Variants in ZDHHC2 observed in about 807,000 individuals in gnomAD.
The protein encoded by ZDHHC2 is palmitoyltransferase ZDHHC2.
Under a neutral mutation model 55.6 loss-of-function variants are expected in ZDHHC2, and 51 were observed. The observed-to-expected ratio is 0.92, with a 90% CI of 0.73 to 1.16. The LOEUF is 1.16. ZDHHC2 is among the 50% of genes most tolerant of loss of function. The pLI, the probability that ZDHHC2 is intolerant of heterozygous loss-of-function variation, is 0.00. For missense variants in ZDHHC2, 491 were observed against 442.4 expected (o/e 1.11, Z -0.99); for synonymous variants, 199 against 152.9 (o/e 1.30, Z -2.22).
chr8:17,171,356 A>T (rs1380189139), intron 1 of ZDHHC2, among the ~76,000 whole-genome samples: 1 of 152,196 alleles, frequency 6.6e-6, no homozygotes, highest in Non-Finnish European at 1.5e-5. Flanking sequence ...CTTTGAAATG[A>T]GGACACTAAG....
chr8:17,198,441 T>C (rs770128536), intron 6 of ZDHHC2, 28 bp downstream of exon 6: 3 of 1,576,180 alleles, frequency 1.9e-6, no homozygotes, highest in Non-Finnish European at 2.6e-6. Context: ...TTAAACAAGT[T>C]TGTGTCCCTT....
chr8:17,156,882 C>A, intron 1 of ZDHHC2, 29 bp downstream of exon 1: 1 of 1,476,530 alleles, frequency 6.8e-7, no homozygotes, highest in Non-Finnish European at 9.0e-7. Flanking sequence ...GCGGCGCCCC[C>A]AGCGCAGCGC....
intron 3 of ZDHHC2, among the ~76,000 whole-genome samples, chr8:17,194,525 C>T (rs2150920914): frequency 6.6e-6 from 1 of 151,794 alleles, no homozygotes; most frequent in Non-Finnish European, 1.5e-5. Flanking sequence ...AACTATCCTG[C>T]GTTTCTGTTA....
In ZDHHC2 at chr8:17,156,613, C is replaced by T. The variant is rs576569216; in HGVS notation, c.-111C>T. The T allele has an allele frequency of 9.2e-3, 8,240 of 896,930 alleles. 32 individuals are homozygous for T. Among genetic ancestry groups the T allele is most frequent in the Non-Finnish European group, 0.01 (7,492 of 737,164 alleles). The allele number at this position is 896,930 out of a possible 1,614,324, so 55.6% of individuals were successfully genotyped here. On this transcript the variant is annotated 5_prime_UTR_variant, in exon 1 of 13. Coordinates refer to ENST00000262096, the MANE Select transcript of ZDHHC2 (RefSeq NM_016353.5). ...GGCGGCGGCAGTGGCCGCAGCGCAC[C>T]CCGCCGCCGCCCAGGAGCCCGTCCA... is the stretch of plus-strand genomic sequence containing the variant.
chr8:17,160,252 A>G (rs1373731180), intron 1 of ZDHHC2, among the ~76,000 whole-genome samples: 1 of 152,222 alleles, frequency 6.6e-6, no homozygotes. Flanking sequence ...ATAGTACAAG[A>G]AACTTCCACA....
intron 6 of ZDHHC2, among the ~76,000 whole-genome samples, chr8:17,199,950 T>A (rs1806656967): frequency 6.6e-6 from 1 of 151,892 alleles, no homozygotes; most frequent in Non-Finnish European, 1.5e-5. Flanking sequence ...GTAGAGTCGG[T>A]TTCACCATAT....
rs1807982682 is a variant in ZDHHC2, at chr8:17,222,936, A to C, written c.*2715A>C. 6.6e-6 allele frequency: 1 copy of C among 151,910 alleles called. No homozygotes were observed. The highest frequency in any genetic ancestry group is 2.4e-5 in the African/African-American group (1 of 41,434). 9.4% of individuals were successfully genotyped at this position (151,910 alleles called of 1,614,324 possible). On this transcript the variant is annotated 3_prime_UTR_variant, in exon 13 of 13. Transcript: ENST00000262096. ...GTTAAGTGATTCTGAGGACAATTAG[A>C]AACAGACTATAAAACTCAACTACAC... is the stretch of plus-strand genomic sequence containing the variant.
chr8:17,192,710 T>G (rs539488603), intron 3 of ZDHHC2, among the ~76,000 whole-genome samples: 2 of 152,356 alleles, frequency 1.3e-5, no homozygotes, highest in African/African-American at 4.8e-5. Flanking sequence ...CACCAATGCT[T>G]TGGAGAGTTT....
chr8:17,211,439 TC>T (rs1371799547), intron 10 of ZDHHC2, among the ~76,000 whole-genome samples: 1 of 152,114 alleles, frequency 6.6e-6, no homozygotes, highest in Non-Finnish European at 1.5e-5. Flanking sequence ...AAGGCAGTGT[TC>T]CTGGTAGCCA....
At chr8:17,195,213 T>G (rs1761927296) in intron 3 of ZDHHC2, among the ~76,000 whole-genome samples, 1 of 152,210 alleles carries the variant, frequency 6.6e-6, no homozygotes, top group African/African-American at 2.4e-5. Context: ...TTGTTGGAAC[T>G]CTACGGTTTA....
chr8:17,174,867 C>T (rs541693738), intron 1 of ZDHHC2, among the ~76,000 whole-genome samples: 6 of 151,998 alleles, frequency 3.9e-5, no homozygotes, highest in Admixed American at 2.0e-4. Flanking sequence ...TGCGCCACCA[C>T]ACCCAGCTAA....
chr8:17,201,231 A>G (rs1220450895), intron 6 of ZDHHC2, among the ~76,000 whole-genome samples: 8 of 152,070 alleles, frequency 5.3e-5, no homozygotes, highest in Non-Finnish European at 7.4e-5. Context: ...TCAGATCTCA[A>G]TGTATGTGTG....
At chr8:17,160,403 T>G (rs137890748) in intron 1 of ZDHHC2, among the ~76,000 whole-genome samples, 21 of 152,344 alleles carry the variant, frequency 1.4e-4, no homozygotes, top group African/African-American at 5.1e-4. Context: ...GTTACGTCAT[T>G]TTAAACGATC....
At chr8:17,179,276 A>G (rs1335687984) in intron 1 of ZDHHC2, among the ~76,000 whole-genome samples, 3 of 152,130 alleles carry the variant, frequency 2.0e-5, no homozygotes, top group African/African-American at 7.2e-5. Flanking sequence ...TACGGGAATG[A>G]TCAGTGGCGG....
intron 6 of ZDHHC2, 69 bp downstream of exon 6, chr8:17,198,482 A>C (rs958017987): frequency 3.1e-5 from 44 of 1,429,124 alleles, no homozygotes; most frequent in Middle Eastern, 3.6e-4. Flanking sequence ...TCACTTATCC[A>C]TGTAAATCTT....
intron 1 of ZDHHC2, among the ~76,000 whole-genome samples, chr8:17,172,928 G>C (rs1012369729): frequency 1.3e-5 from 2 of 152,148 alleles, no homozygotes; most frequent in Non-Finnish European, 2.9e-5. Context: ...TCCATATTCA[G>C]GTAGTGCCCT....
In ZDHHC2 at chr8:17,197,733, G is replaced by T. The variant is rs552035151; in HGVS notation, c.443+82G>T. 10 of 1,405,256 alleles carry T rather than the reference G, an allele frequency of 7.1e-6. No homozygotes were observed. The East Asian group carries it at 2.3e-4, about 33-fold the overall frequency. 87.0% of individuals were successfully genotyped at this position (1,405,256 alleles called of 1,614,324 possible). ...ATGTTTCTTTTCTCACTGTTTTCCT[G>T]ATTATCTTCTCCATATTCTCGCTTC... On this transcript the variant is annotated intron_variant, in intron 5 of 12. Transcript: ENST00000262096.
intron 3 of ZDHHC2, among the ~76,000 whole-genome samples, chr8:17,187,153 G>C (rs1332306557): frequency 6.6e-6 from 1 of 152,210 alleles, no homozygotes; most frequent in Non-Finnish European, 1.5e-5. Context: ...TTAAACATGA[G>C]AGAAGAAGAG....
At chr8:17,197,685 T>C in intron 5 of ZDHHC2, 34 bp downstream of exon 5, 1 of 1,573,758 alleles carries the variant, frequency 6.4e-7, no homozygotes, top group Non-Finnish European at 8.7e-7. Flanking sequence ...AATATCTACA[T>C]GCTGGTGGTC....
Sources: gnomAD v4.1 joint callset for allele counts (sites outside exome capture counted in the v4.1 genomes callset) on GRCh38, gnomAD v4.1.1 for gene constraint, MANE v1.5 for transcripts, NCBI Gene and HGNC (gene_info 2026-07-23, HGNC 2026-07-21) for gene names.